The following DGKI variants were observed in gnomAD, a reference collection of about 807,000 sequenced individuals.
DGKI encodes the protein diacylglycerol kinase iota.
In DGKI, 55 loss-of-function variants were observed where a neutral mutation model predicts 147.5. The ratio of observed to expected loss-of-function variants is 0.37; its 90% confidence interval spans 0.30 to 0.47. The LOEUF (loss-of-function observed/expected upper bound fraction) is 0.47, where lower values mean the gene tolerates loss of function less well. DGKI is among the 20% of genes least tolerant of loss of function. The pLI is 1.00. For synonymous variants in DGKI, 469 were observed against 477.1 expected (o/e 0.98, Z 0.22); for missense variants, 1,007 against 1,323.8 (o/e 0.76, Z 3.71).
intron 6 of DGKI, among the ~76,000 whole-genome samples, chr7:137,635,508 G>A (rs981373883): frequency 2.0e-5 from 3 of 152,168 alleles, no homozygotes; most frequent in African/African-American, 7.2e-5. Context: ...CTTACGAAAT[G>A]TGTGACCCAC....
chr7:137,628,942 T>C (rs1413541286), intron 6 of DGKI, among the ~76,000 whole-genome samples: 2 of 152,252 alleles, frequency 1.3e-5, no homozygotes, highest in South Asian at 2.1e-4. Flanking sequence ...ATTATTTCTG[T>C]ATTTAACTTT....
chr7:137,555,997 G>A (rs1818211588), intron 19 of DGKI, among the ~76,000 whole-genome samples: 1 of 152,016 alleles, frequency 6.6e-6, no homozygotes, highest in Non-Finnish European at 1.5e-5. Context: ...TGCTGCCAGT[G>A]GTCTCTTTTA....
At chr7:137,504,725 T>C (rs1002400784) in intron 21 of DGKI, among the ~76,000 whole-genome samples, 3 of 152,076 alleles carry the variant, frequency 2.0e-5, no homozygotes, top group Non-Finnish European at 2.9e-5. Context: ...CTATGCATAG[T>C]ATTAAGAAAC....
rs199586972 is a variant in DGKI at position 137,846,167 on chromosome 7, A to T, written c.401+295T>A. ...CTCTCTCTCTCTCTCTCTCTCACACACACACACACACACACACACACACAC... is the reference window on the plus strand; with the variant it reads ...CTCTCTCTCTCTCTCTCTCTCACACTCACACACACACACACACACACACAC... On this transcript the variant is annotated intron_variant, in intron 1 of 32. Transcript: ENST00000614521. The surrounding 1 kb of genome is among the most constrained non-coding windows in gnomAD (Gnocchi z 4.0). Among the ~76,000 whole-genome samples the T allele has an allele frequency of 0.11, 6,156 of 55,286 alleles. 84 individuals are homozygous for T. The highest frequency in any genetic ancestry group is 0.15 in the African/African-American group (2,121 of 14,548). The allele number at this position is 55,286 out of a possible 152,430, so 36.3% of individuals were successfully genotyped here.
intron 1 of DGKI, among the ~76,000 whole-genome samples, chr7:137,830,122 G>C (rs1189272799): frequency 6.6e-6 from 1 of 152,190 alleles, no homozygotes; most frequent in African/African-American, 2.4e-5. Flanking sequence ...AGTCTTAAGT[G>C]AAATGGCTGC....
intron 27 of DGKI, among the ~76,000 whole-genome samples, chr7:137,460,608 G>A (rs1281557203): frequency 6.6e-6 from 1 of 152,082 alleles, no homozygotes; most frequent in Non-Finnish European, 1.5e-5. Context: ...CTTACCAGTT[G>A]AGCATCCCAA....
intron 1 of DGKI, among the ~76,000 whole-genome samples, chr7:137,713,710 T>C (rs868769132): frequency 6.6e-6 from 1 of 152,138 alleles, no homozygotes; most frequent in Middle Eastern, 3.2e-3. Context: ...GGTGCAATCA[T>C]AGCTCACTGC....
intron 1 of DGKI, among the ~76,000 whole-genome samples, chr7:137,803,921 C>A (rs963358139): frequency 4.6e-5 from 7 of 152,160 alleles, no homozygotes; most frequent in African/African-American, 1.4e-4. Context: ...GTAAATAGTC[C>A]GGGCATGCGT....
At position 137,463,511 on chromosome 7, in the gene DGKI, G is replaced by C; in HGVS notation, c.2713C>G (p.Leu905Val). The C allele has an allele frequency of 6.2e-7, 1 of 1,614,128 alleles. No individual in the cohort carries two copies. The highest frequency in any genetic ancestry group is 8.5e-7 in the Non-Finnish European group (1 of 1,180,018). ...TACTGTAGCACGCGGGAGTGGCTGA[G>C]ATCTTTCAGATCTGAGTCCTCATAA... is the stretch of plus-strand genomic sequence containing the variant. ...PYYEDSDLKD[L>V]SHSRVLQSPV... Residue 905 changes from leucine (L) to valine (V), a missense_variant, in exon 27 of 33, where the codon CTC becomes GTC. Around this residue, in one of 5 missense-constraint regions of DGKI, gnomAD observed 385 missense variants for 445.2 expected, o/e 0.86. Transcript: ENST00000614521.
At chr7:137,675,351 G>A (rs57960588) in intron 3 of DGKI, among the ~76,000 whole-genome samples, 4,956 of 152,142 alleles carry the variant, frequency 0.033, 301 homozygotes, top group African/African-American at 0.11. Flanking sequence ...TTAGGTTTGC[G>A]ACCCATCTGC....
intron 21 of DGKI, among the ~76,000 whole-genome samples, chr7:137,498,065 A>G (rs1341273332): frequency 6.6e-6 from 1 of 152,084 alleles, no homozygotes; most frequent in Non-Finnish European, 1.5e-5. Flanking sequence ...ATTTCCAAGA[A>G]ATGGAAAAAT....
chr7:137,829,588 T>C (rs1323767748), intron 1 of DGKI, among the ~76,000 whole-genome samples: 2 of 152,216 alleles, frequency 1.3e-5, no homozygotes, highest in African/African-American at 4.8e-5. Flanking sequence ...GTGTGATTAG[T>C]GTAAAGAAGG....
At chr7:137,667,681 T>C (rs950510059) in intron 3 of DGKI, among the ~76,000 whole-genome samples, 3 of 152,188 alleles carry the variant, frequency 2.0e-5, no homozygotes, top group Non-Finnish European at 4.4e-5. Context: ...AGAAGCGATA[T>C]CAAGCTGTGG....
rs1011305189 is a variant in DGKI, at chr7:137,550,819, A to G, written c.2147+1550T>C. Among the ~76,000 whole-genome samples, 4 of 152,162 alleles carry G rather than the reference A, an allele frequency of 2.6e-5. No homozygotes were observed. In the East Asian group the frequency reaches 5.8e-4, roughly 22 times the overall value. ...TCTGCATATCTTCTTAACTATCTAC[A>G]AGTGACCCAACAACATAGGCTATAG... On this transcript the variant is annotated intron_variant, in intron 20 of 32. Coordinates refer to ENST00000614521, the MANE Select transcript of DGKI (RefSeq NM_001321708.2).
chr7:137,566,865 T>C (rs1041951920), intron 19 of DGKI, among the ~76,000 whole-genome samples: 2 of 152,048 alleles, frequency 1.3e-5, no homozygotes, highest in Non-Finnish European at 2.9e-5. Flanking sequence ...GAATTTAAAA[T>C]AGATAAAACA....
chr7:137,463,442 A>G (rs1814526948), intron 27 of DGKI, 47 bp downstream of exon 27: 1 of 1,605,478 alleles, frequency 6.2e-7, no homozygotes, highest in Non-Finnish European at 8.5e-7. Context: ...ATCCTCTCCC[A>G]GCAATCACAG....
intron 24 of DGKI, among the ~76,000 whole-genome samples, chr7:137,467,826 T>G (rs1034177839): frequency 2.0e-5 from 3 of 151,718 alleles, no homozygotes; most frequent in African/African-American, 7.3e-5. Flanking sequence ...ACAAAAACAA[T>G]TTTTTTAATT....
chr7:137,638,419 C>T (rs1184179289), intron 6 of DGKI, among the ~76,000 whole-genome samples: 1 of 125,898 alleles, frequency 7.9e-6, no homozygotes, highest in African/African-American at 3.1e-5. Flanking sequence ...TCTTATCTGG[C>T]AAGAACAACT....
In DGKI at chr7:137,513,467, A is replaced by G. The variant is rs538792371; in HGVS notation, c.2248+8399T>C. On this transcript the variant is annotated intron_variant, in intron 21 of 32. Coordinates refer to ENST00000614521, the MANE Select transcript of DGKI (RefSeq NM_001321708.2). The stretch of plus-strand genomic sequence containing the variant: ...TCCTTTGATTCTACTATATTCTTTT[A>G]TAGTCATCATCCCATTTCTTTCCTT... Among the ~76,000 whole-genome samples, 13 of 152,346 alleles carry G rather than the reference A, an allele frequency of 8.5e-5. No individual in the cohort carries two copies. In the South Asian group the frequency reaches 1.0e-3, roughly 12 times the overall value.
Sources: gnomAD v4.1 joint callset for allele counts (sites outside exome capture counted in the v4.1 genomes callset) on GRCh38, gnomAD v4.1.1 for gene constraint, gnomAD v4.1.1 regional missense constraint, Gnocchi (gnomAD v3.1) non-coding constraint, MANE v1.5 for transcripts, NCBI Gene and HGNC (gene_info 2026-07-23, HGNC 2026-07-21) for gene names.